The following GALK2 variants were observed in gnomAD, a reference collection of about 807,000 sequenced individuals.
The protein encoded by GALK2 is N-acetylgalactosamine kinase.
In GALK2, 36 loss-of-function variants were observed where a neutral mutation model predicts 52.4. The observed-to-expected ratio is 0.69, with a 90% confidence interval of 0.53 to 0.91. The LOEUF (loss-of-function observed/expected upper bound fraction) is 0.91, where lower values mean the gene tolerates loss of function less well. Ranked by LOEUF, GALK2 falls within the 40% of genes least tolerant of loss-of-function variation. GALK2 has a pLI of 0.00. For synonymous variants in GALK2, 176 were observed against 199.1 expected (o/e 0.88, Z 0.98); for missense variants, 579 against 559.1 (o/e 1.04, Z -0.36).
chr15:49,305,501 G>A (rs959348302), intron 8 of GALK2, among the ~76,000 whole-genome samples: 1 of 152,048 alleles, frequency 6.6e-6, no homozygotes, highest in Non-Finnish European at 1.5e-5. Context: ...CTCTAATATT[G>A]GGAAACCCTT....
At chr15:49,265,198 G>T (rs970256991) in intron 5 of GALK2, among the ~76,000 whole-genome samples, 4 of 152,210 alleles carry the variant, frequency 2.6e-5, no homozygotes, top group Admixed American at 6.5e-5. Context: ...AGGCAGGCAG[G>T]CCTCCTTGAG....
At chr15:49,182,260 G>T (rs2086030502) in intron 1 of GALK2, among the ~76,000 whole-genome samples, 1 of 152,120 alleles carries the variant, frequency 6.6e-6, no homozygotes, top group Admixed American at 6.6e-5. Flanking sequence ...GTATTTCTGT[G>T]CATGACTTGT....
chr15:49,270,899 G>A (rs2030447222), intron 5 of GALK2, among the ~76,000 whole-genome samples: 1 of 152,118 alleles, frequency 6.6e-6, no homozygotes, highest in Admixed American at 6.5e-5. Flanking sequence ...CTCTAGGAGA[G>A]TCCAGATTGG....
chr15:49,257,240 T>C (rs1256323712), intron 5 of GALK2, among the ~76,000 whole-genome samples: 1 of 152,172 alleles, frequency 6.6e-6, no homozygotes, highest in Non-Finnish European at 1.5e-5. Flanking sequence ...ATCCCATAAA[T>C]TTAAGCATGT....
chr15:49,239,850 A>G (rs1376711242), intron 5 of GALK2, among the ~76,000 whole-genome samples: 1 of 152,272 alleles, frequency 6.6e-6, no homozygotes, highest in African/African-American at 2.4e-5. Flanking sequence ...TAAAGGAAAT[A>G]TAAATTGTAC....
At chr15:49,271,560 C>T (rs561479679) in intron 5 of GALK2, among the ~76,000 whole-genome samples, 1 of 152,166 alleles carries the variant, frequency 6.6e-6, no homozygotes, top group African/African-American at 2.4e-5. Context: ...ACTCTGAGCT[C>T]AAATTCTGGC....
intron 5 of GALK2, among the ~76,000 whole-genome samples, chr15:49,278,699 A>AT (rs1490678357): frequency 6.6e-6 from 1 of 152,180 alleles, no homozygotes; most frequent in African/African-American, 2.4e-5. Context: ...AGTTTGGATT[A>AT]TATCTTTAAT....
At chr15:49,240,215 G>T (rs2091024432) in intron 5 of GALK2, among the ~76,000 whole-genome samples, 1 of 152,178 alleles carries the variant, frequency 6.6e-6, no homozygotes, top group African/African-American at 2.4e-5. Context: ...AGCAATGACT[G>T]GTTGGGAGGG....
At chr15:49,282,772 GA>G (rs2032879441) in intron 6 of GALK2, among the ~76,000 whole-genome samples, 1 of 152,134 alleles carries the variant, frequency 6.6e-6, no homozygotes, top group Non-Finnish European at 1.5e-5. Flanking sequence ...TATTTTCCAA[GA>G]ACACCTGGAT....
intron 9 of GALK2, among the ~76,000 whole-genome samples, chr15:49,326,185 C>T (rs955016721): frequency 6.6e-6 from 1 of 151,322 alleles, no homozygotes; most frequent in African/African-American, 2.4e-5. Context: ...TCCAGAGACA[C>T]TTCAGTGACA....
chr15:49,225,297 C>T (rs1278923546), intron 3 of GALK2: 1 of 453,236 alleles, frequency 2.2e-6, no homozygotes, highest in African/African-American at 2.0e-5. Flanking sequence ...CAGGGTTCCC[C>T]AATCCCTGTT....
intron 2 of GALK2, among the ~76,000 whole-genome samples, chr15:49,207,984 G>A (rs988732014): frequency 6.6e-6 from 1 of 152,126 alleles, no homozygotes; most frequent in African/African-American, 2.4e-5. Flanking sequence ...TGTTGGTCAG[G>A]CTGGTCTTGA....
chr15:49,265,358 C>T (rs1448030723), intron 5 of GALK2, among the ~76,000 whole-genome samples: 1 of 152,246 alleles, frequency 6.6e-6, no homozygotes, highest in Non-Finnish European at 1.5e-5. Context: ...GCTCCGTGGG[C>T]ATAGGACCCT....
Position 49,253,367 on chromosome 15 carries a change from G to A in GALK2, c.504+14000G>A, listed in dbSNP as rs1351924656. Among the ~76,000 whole-genome samples, 6 of 144,276 alleles carry A rather than the reference G, an allele frequency of 4.2e-5. 2 individuals carry two copies. Among genetic ancestry groups the A allele is most frequent in the East Asian group, 3.9e-4 (2 of 5,184 alleles). The allele number at this position is 144,276 out of a possible 152,430, so 94.7% of individuals were successfully genotyped here. On this transcript the variant is annotated intron_variant, in intron 5 of 9. Transcript: ENST00000560031. ...CAGGTGTGACCTTTTATCTTTAGAC[G>A]CTTACTCAGAGGAACCAAAACTGTG...
chr15:49,306,548 C>T (rs565996427), intron 8 of GALK2, among the ~76,000 whole-genome samples: 4 of 152,218 alleles, frequency 2.6e-5, no homozygotes, highest in Admixed American at 2.6e-4. Context: ...CTCTTTCACC[C>T]CTTTTTATTC....
intron 5 of GALK2, among the ~76,000 whole-genome samples, chr15:49,244,747 G>A (rs1388507971): frequency 2.6e-5 from 4 of 152,008 alleles, no homozygotes; most frequent in Non-Finnish European, 1.5e-5. Flanking sequence ...AGAACATAAG[G>A]GGAATTCCAA....
chr15:49,225,245 C>G (rs1430158657), intron 3 of GALK2: 1 of 455,878 alleles, frequency 2.2e-6, no homozygotes, highest in Non-Finnish European at 4.4e-6. Flanking sequence ...GAGGCTATGA[C>G]CTGCAGATAG....
chr15:49,296,347 C>T (rs1427668724), intron 8 of GALK2, among the ~76,000 whole-genome samples: 1 of 152,148 alleles, frequency 6.6e-6, no homozygotes. Context: ...TCAGTGTTTA[C>T]CTCCCACTTA....
chr15:49,353,618 T>G (rs1044908157), intron 3 of GALK2: 1 of 151,488 alleles, frequency 6.6e-6, no homozygotes, highest in Non-Finnish European at 1.5e-5. Context: ...ATAAGGGTTT[T>G]TTTTTTTTTT....
Sources: gnomAD v4.1 joint callset for allele counts (sites outside exome capture counted in the v4.1 genomes callset) on GRCh38, gnomAD v4.1.1 for gene constraint, MANE v1.5 for transcripts, NCBI Gene and HGNC (gene_info 2026-07-23, HGNC 2026-07-21) for gene names.